TSHZ2: variants seen among roughly 807,000 people sequenced by gnomAD.
TSHZ2 encodes teashirt homolog 2.
A neutral mutation model predicts 74.4 loss-of-function variants in TSHZ2; 21 were observed. The observed-to-expected ratio is 0.28, with a 90% CI of 0.20 to 0.41. TSHZ2 has a LOEUF of 0.41. Ranked by LOEUF, TSHZ2 falls within the 10% of genes least tolerant of loss-of-function variation. TSHZ2 has a pLI of 1.00. For missense variants in TSHZ2, 1,244 were observed against 1,293.5 expected (o/e 0.96, Z 0.59); for synonymous variants, 540 against 515.3 (o/e 1.05, Z -0.65).
intron 1 of TSHZ2, among the ~76,000 whole-genome samples, chr20:53,050,103 G>GTATGTATATATATATATATATATATATA (rs1422702818): frequency 8.6e-6 from 1 of 116,068 alleles, no homozygotes; most frequent in African/African-American, 3.9e-5. Context: ...GTATATGTGT[G>GTATGTATATATATATATATATATATATA]TATATATATA....
At chr20:53,222,864 C>T (rs1188582342) in intron 1 of TSHZ2, among the ~76,000 whole-genome samples, 3 of 152,198 alleles carry the variant, frequency 2.0e-5, no homozygotes, top group Non-Finnish European at 4.4e-5. Context: ...GACAAAGAAA[C>T]TACAGCAAAA....
At chr20:53,407,409 A>G (rs1982892192) in intron 2 of TSHZ2, among the ~76,000 whole-genome samples, 1 of 152,232 alleles carries the variant, frequency 6.6e-6, no homozygotes, top group Non-Finnish European at 1.5e-5. Context: ...TAAAACACTC[A>G]GTGCCCTCAC....
At chr20:53,220,571 T>C (rs1989530245) in intron 1 of TSHZ2, among the ~76,000 whole-genome samples, 1 of 152,194 alleles carries the variant, frequency 6.6e-6, no homozygotes, top group Non-Finnish European at 1.5e-5. Context: ...ATTGATGCAT[T>C]GTCTATGGCT....
chr20:53,473,753 C>CTT (rs1985903836), intron 2 of TSHZ2, among the ~76,000 whole-genome samples: 1 of 151,810 alleles, frequency 6.6e-6, no homozygotes, highest in African/African-American at 2.4e-5. Context: ...AAGTTGAAAA[C>CTT]TTTGAAAAAA....
chr20:53,088,818 C>G (rs749023441), intron 1 of TSHZ2, among the ~76,000 whole-genome samples: 1 of 152,134 alleles, frequency 6.6e-6, no homozygotes, highest in African/African-American at 2.4e-5. Context: ...CAGAGTACCA[C>G]ACAGCAATGC....
chr20:52,975,274 G>A (rs934105639), intron 1 of TSHZ2, among the ~76,000 whole-genome samples: 17 of 151,636 alleles, frequency 1.1e-4, no homozygotes, highest in Non-Finnish European at 1.6e-4. Context: ...TGGTTGTTCC[G>A]GTAAAGACTA....
intron 1 of TSHZ2, among the ~76,000 whole-genome samples, chr20:53,024,472 C>T (rs1305702919): frequency 6.6e-6 from 1 of 151,546 alleles, no homozygotes; most frequent in Non-Finnish European, 1.5e-5. Context: ...CCATGGTTTC[C>T]TACCATGTGC....
At chr20:53,469,659 A>C (rs1446473585) in intron 2 of TSHZ2, among the ~76,000 whole-genome samples, 26 of 56,798 alleles carry the variant, frequency 4.6e-4, no homozygotes, top group Non-Finnish European at 6.3e-4. Flanking sequence ...GAAGGAAGGA[A>C]GGAAGGAAGG....
intron 1 of TSHZ2, among the ~76,000 whole-genome samples, chr20:53,066,925 G>A (rs1222931517): frequency 2.0e-5 from 3 of 152,132 alleles, no homozygotes; most frequent in Admixed American, 1.3e-4. Flanking sequence ...TACAGAGTGG[G>A]GTGCAGGAGA....
chr20:53,416,150 G>C (rs559521451), intron 2 of TSHZ2, among the ~76,000 whole-genome samples: 17 of 152,310 alleles, frequency 1.1e-4, no homozygotes, highest in African/African-American at 4.1e-4. Context: ...CCACTGCCAT[G>C]CTGGGCAACT....
chr20:53,095,912 G>T (rs57526786), intron 1 of TSHZ2, among the ~76,000 whole-genome samples: 11,098 of 152,124 alleles, frequency 0.073, 923 homozygotes, highest in African/African-American at 0.21. Context: ...ACTAAAGGGG[G>T]AAAGAGCCAC....
At chr20:53,448,458 C>A (rs1175546244) in intron 2 of TSHZ2, among the ~76,000 whole-genome samples, 1 of 152,102 alleles carries the variant, frequency 6.6e-6, no homozygotes, top group Non-Finnish European at 1.5e-5. Context: ...GGTTGGTTTC[C>A]TGAGAAAGGA....
At chr20:53,209,432 A>G (rs1325677501) in intron 1 of TSHZ2, among the ~76,000 whole-genome samples, 1 of 152,212 alleles carries the variant, frequency 6.6e-6, no homozygotes, top group East Asian at 1.9e-4. Context: ...CCAGTACTCT[A>G]CTGTGCAGTG....
intron 1 of TSHZ2, among the ~76,000 whole-genome samples, chr20:53,066,042 T>G (rs1212147613): frequency 1.3e-5 from 2 of 152,166 alleles, no homozygotes; most frequent in East Asian, 3.9e-4. Flanking sequence ...ATTCCGGAAC[T>G]GCTGGGGCTT....
At position 53,443,894 on chromosome 20, in the gene TSHZ2, C is replaced by T. The variant is rs142308815; in HGVS notation, c.*9-43250C>T. Reference sequence around the variant, plus strand: ...ATGGTGGCTACTGCCTGTTGAAACCCGTGGAGAGCTAGGCCTGGTGTGTTC... The same window carrying T: ...ATGGTGGCTACTGCCTGTTGAAACCTGTGGAGAGCTAGGCCTGGTGTGTTC... On this transcript the variant is annotated intron_variant, in intron 2 of 2. Transcript: ENST00000371497. Among the ~76,000 whole-genome samples the T allele has an allele frequency of 5.4e-4, 82 of 152,202 alleles. 1 individual carries two copies. In the East Asian group the frequency reaches 0.014, roughly 25 times the overall value.
chr20:53,077,509 G>A (rs1985405610), intron 1 of TSHZ2, among the ~76,000 whole-genome samples: 1 of 152,144 alleles, frequency 6.6e-6, no homozygotes, highest in Non-Finnish European at 1.5e-5. Flanking sequence ...TTAGCAAGGG[G>A]AGAAAAGATT....
chr20:53,138,225 T>C (rs1235856831), intron 1 of TSHZ2, among the ~76,000 whole-genome samples: 2 of 151,580 alleles, frequency 1.3e-5, no homozygotes, highest in African/African-American at 2.4e-5. Context: ...TACTAAAAAA[T>C]ACAAAAAAAT....
At chr20:53,454,588 CTA>C (rs1984972264) in intron 2 of TSHZ2, among the ~76,000 whole-genome samples, 1 of 150,822 alleles carries the variant, frequency 6.6e-6, no homozygotes, top group Admixed American at 6.6e-5. Context: ...TCTTTAAAAA[CTA>C]ATGTTAAATG....
intron 1 of TSHZ2, among the ~76,000 whole-genome samples, chr20:52,997,965 T>C (rs1982268661): frequency 1.3e-5 from 2 of 152,132 alleles, no homozygotes; most frequent in African/African-American, 4.8e-5. Flanking sequence ...AAATGCAGAT[T>C]CTCATGCCCC....
Sources: allele counts gnomAD v4.1 joint callset (sites outside exome capture counted in the v4.1 genomes callset), GRCh38; gene constraint gnomAD v4.1.1; transcripts MANE v1.5; gene names NCBI Gene and HGNC (gene_info 2026-07-23, HGNC 2026-07-21).